Variants in CARD8 observed in about 807,000 individuals in gnomAD.
The protein encoded by CARD8 is caspase recruitment domain family member 8.
CARD8 carries 38 observed loss-of-function variants against 53.2 expected under a neutral mutation model. The observed-to-expected ratio is 0.71, with a 90% confidence interval of 0.55 to 0.94. The LOEUF is 0.94. CARD8 is among the 40% of genes least tolerant of loss of function. CARD8 has a pLI of 0.00. For synonymous variants in CARD8, 245 were observed against 244.9 expected (o/e 1.00, Z 0.00); for missense variants, 561 against 655.5 (o/e 0.86, Z 1.57).
At chr19:48,217,574 A>G (rs1311467777) in intron 12 of CARD8, among the ~76,000 whole-genome samples, 2 of 152,108 alleles carry the variant, frequency 1.3e-5, no homozygotes, top group African/African-American at 4.8e-5. Context: ...ATCTGTGCCC[A>G]TACAACTACA....
At chr19:48,237,430 C>G (rs945291131) in intron 5 of CARD8, among the ~76,000 whole-genome samples, 3 of 152,082 alleles carry the variant, frequency 2.0e-5, no homozygotes, top group African/African-American at 7.2e-5. Flanking sequence ...CAGGCCCCAC[C>G]TCCAACACTC....
chr19:48,246,618 T>TAAAA (rs3078196), intron 3 of CARD8, among the ~76,000 whole-genome samples: 1 of 150,480 alleles, frequency 6.6e-6, no homozygotes, highest in Admixed American at 6.6e-5. Flanking sequence ...AAATCAATAA[T>TAAAA]AAAAAAAAAC....
At chr19:48,205,632 G>A (rs540611113), downstream of CARD8, among the ~76,000 whole-genome samples, 5 of 152,252 alleles carry the variant, frequency 3.3e-5, no homozygotes, top group South Asian at 4.1e-4. Context: ...ATGAGGTAGC[G>A]TTACTGTCAC....
chr19:48,228,540 CACAG>C (rs911948011), intron 10 of CARD8, among the ~76,000 whole-genome samples: 3 of 152,114 alleles, frequency 2.0e-5, no homozygotes, highest in Non-Finnish European at 4.4e-5. Context: ...AGGTCATCCA[CACAG>C]AGAGATCTGG....
At chr19:48,236,699 C>T (rs2043949688) in intron 5 of CARD8, among the ~76,000 whole-genome samples, 1 of 152,162 alleles carries the variant, frequency 6.6e-6, no homozygotes, top group South Asian at 2.1e-4. Context: ...AAAATCTATA[C>T]CTGAGTTAAC....
intron 5 of CARD8, among the ~76,000 whole-genome samples, chr19:48,235,972 TCAA>T (rs1014048574): frequency 2.0e-5 from 3 of 152,032 alleles, no homozygotes; most frequent in Non-Finnish European, 2.9e-5. Context: ...GTTAAAAACA[TCAA>T]CAACAAGAGC....
intron 4 of CARD8, among the ~76,000 whole-genome samples, chr19:48,238,844 C>T (rs750010089): frequency 6.6e-6 from 1 of 152,182 alleles, no homozygotes; most frequent in Non-Finnish European, 1.5e-5. Context: ...ACACCTTCTT[C>T]GATGCCCATG....
In CARD8 at chr19:48,251,170, A is replaced by C. The variant is rs141095944; in HGVS notation, c.-251-1323T>G. 3.2e-3 allele frequency among the ~76,000 whole-genome samples: 490 copies of C among 152,354 alleles called. 4 individuals are homozygous for C. Among genetic ancestry groups the C allele is most frequent in the African/African-American group, 0.011 (464 of 41,584 alleles). On this transcript the variant is annotated intron_variant, in intron 1 of 13. Coordinates refer to ENST00000651546, the MANE Select transcript of CARD8 (RefSeq NM_001184900.3). ...TTTCTTGCTTAACCAATGGATACTA[A>C]AGAATTTTGTAGGTTGGGTTCTGTT... is the stretch of plus-strand genomic sequence containing the variant.
downstream of CARD8, among the ~76,000 whole-genome samples, chr19:48,207,189 G>GA (rs56859690): frequency 0.32 from 41,776 of 132,000 alleles, 6,922 homozygotes; most frequent in East Asian, 0.53. Context: ...GAAAAGAAAA[G>GA]AAAAAAAAAA....
chr19:48,228,949 G>C (rs1221532119), intron 10 of CARD8, among the ~76,000 whole-genome samples: 1 of 152,116 alleles, frequency 6.6e-6, no homozygotes, highest in East Asian at 1.9e-4. Context: ...GGCTAGCCTG[G>C]CCAACATGGT....
Position 48,250,368 on chromosome 19 carries a change from T to C in CARD8, c.-251-521A>G, listed in dbSNP as rs181233639. Among the ~76,000 whole-genome samples the C allele has an allele frequency of 9.2e-5, 14 of 152,282 alleles. No individual in the cohort carries two copies. In the East Asian group the frequency reaches 2.7e-3, roughly 29 times the overall value. ...CTGGGCAGCATTCCTTGCAGAAATA[T>C]TTTTTGTTTAAGGTTGCAATGACCT... On this transcript the variant is annotated intron_variant, in intron 1 of 13. Coordinates refer to ENST00000651546, the MANE Select transcript of CARD8 (RefSeq NM_001184900.3).
At chr19:48,203,912 C>A (rs933897662), downstream of CARD8, 7 of 279,672 alleles carry the variant, frequency 2.5e-5, no homozygotes, top group Admixed American at 2.0e-4. Flanking sequence ...CAACTCCCAG[C>A]CGGCTGAGCG....
chr19:48,218,039 C>G lies in CARD8; in HGVS notation c.1303+832G>C, dbSNP rs551760273. Among the ~76,000 whole-genome samples, 4 of 152,270 alleles carry G rather than the reference C, an allele frequency of 2.6e-5. No homozygotes were observed. In the East Asian group the frequency reaches 5.8e-4, roughly 22 times the overall value. ...TCTTAGAATCTTCTGTTCTTTACCC[C>G]CTAGGTTCGAGGGTTTCCACCCCTC... is the stretch of plus-strand genomic sequence containing the variant. On this transcript the variant is annotated intron_variant, in intron 12 of 13. Transcript: ENST00000651546.
chr19:48,208,578 A>C lies in CARD8; in HGVS notation c.*3132T>G, dbSNP rs192954712. ...TACTGAGAATACAAGGATGAGCTGC[A>C]AAAATCTCCACTTGTCTGGCAAATG... On this transcript the variant is annotated 3_prime_UTR_variant, in exon 14 of 14. Coordinates refer to ENST00000651546, the MANE Select transcript of CARD8 (RefSeq NM_001184900.3). The C allele has an allele frequency of 2.0e-5, 3 of 152,374 alleles. No individual in the cohort carries two copies. Among genetic ancestry groups the C allele is most frequent in the Non-Finnish European group, 2.9e-5 (2 of 68,040 alleles). 9.4% of individuals were successfully genotyped at this position (152,374 alleles called of 1,614,324 possible).
chr19:48,204,180 C>T (rs1342248642), downstream of CARD8: 1 of 455,946 alleles, frequency 2.2e-6, no homozygotes, highest in South Asian at 1.5e-5. Flanking sequence ...GCTTCGGTCT[C>T]CATGGTTACG....
At chr19:48,230,121 G>GA (rs1568777063) in intron 10 of CARD8, among the ~76,000 whole-genome samples, 1 of 151,932 alleles carries the variant, frequency 6.6e-6, no homozygotes, top group Middle Eastern at 3.4e-3. Context: ...TCTAAAAAAA[G>GA]AAAAAAACAA....
At chr19:48,245,411 C>T (rs551555896) in intron 3 of CARD8, among the ~76,000 whole-genome samples, 3 of 152,170 alleles carry the variant, frequency 2.0e-5, no homozygotes, top group South Asian at 2.1e-4. Flanking sequence ...TGGGGTTTCA[C>T]CATGTTGGAT....
intron 10 of CARD8, among the ~76,000 whole-genome samples, chr19:48,223,435 G>T (rs957054022): frequency 6.6e-5 from 10 of 152,140 alleles, no homozygotes; most frequent in African/African-American, 2.4e-4. Flanking sequence ...GCAAAGAGAT[G>T]AAACTATGAT....
At chr19:48,243,584 C>A (rs7260150) in intron 3 of CARD8, among the ~76,000 whole-genome samples, 1 of 152,152 alleles carries the variant, frequency 6.6e-6, no homozygotes, top group South Asian at 2.1e-4. Context: ...TTTGTTATAA[C>A]GAACACTTTT....
Sources: gnomAD v4.1 joint callset for allele counts (sites outside exome capture counted in the v4.1 genomes callset) on GRCh38, gnomAD v4.1.1 for gene constraint, MANE v1.5 for transcripts, NCBI Gene and HGNC (gene_info 2026-07-23, HGNC 2026-07-21) for gene names.